EPRS1: variants seen among roughly 807,000 people sequenced by gnomAD.
The protein encoded by EPRS1 is glutamyl-prolyl-tRNA synthetase 1, also known as bifunctional glutamate/proline--tRNA ligase.
Under a neutral mutation model 188.3 loss-of-function variants are expected in EPRS1, and 107 were observed. The ratio of observed to expected loss-of-function variants is 0.57; its 90% CI spans 0.49 to 0.67. EPRS1 has a LOEUF of 0.67. EPRS1 is among the 30% of genes least tolerant of loss of function. The pLI, the probability that EPRS1 is intolerant of heterozygous loss-of-function variation, is 0.00. For synonymous variants in EPRS1, 596 were observed against 593.1 expected, an observed-to-expected ratio of 1.00 and a Z score of -0.07; for missense variants, 1,577 against 1,802.2, an observed-to-expected ratio of 0.88 and a Z score of 2.26.
intron 28 of EPRS1, among the ~76,000 whole-genome samples, chr1:219,978,062 T>A (rs921937430): frequency 3.3e-5 from 5 of 152,288 alleles, no homozygotes; most frequent in Non-Finnish European, 5.9e-5. Flanking sequence ...AAAGCAGAAT[T>A]TAGACTGGCT....
At chr1:219,973,509 G>C in intron 28 of EPRS1, 111 bp from the exon 29 acceptor site, 6 of 618,466 alleles carry the variant, frequency 9.7e-6, no homozygotes, top group African/African-American at 7.0e-5. Context: ...AAAAAACAAA[G>C]GCAAAGCCAA....
chr1:220,010,935 G>C lies in EPRS1; in HGVS notation c.1605+11C>G. ...CAGAGAGAAACACATTGGTGAAACT[G>C]TAAGAGTGACCTTTGGGTGTTTGGC... On this transcript the variant is annotated intron_variant, in intron 13 of 31. Transcript: ENST00000366923. 2 of 1,508,910 alleles carry C rather than the reference G, an allele frequency of 1.3e-6. No individual in the cohort carries two copies. Among genetic ancestry groups the C allele is most frequent in the East Asian group, 2.3e-5 (1 of 44,284 alleles). 93.5% of individuals were successfully genotyped at this position (1,508,910 alleles called of 1,614,324 possible). A position where few individuals can be genotyped will look rare whatever the true frequency, so the allele number is the denominator to read the frequency against.
chr1:220,034,008 T>A (rs1306134722), intron 3 of EPRS1, among the ~76,000 whole-genome samples: 1 of 152,030 alleles, frequency 6.6e-6, no homozygotes, highest in African/African-American at 2.4e-5. Context: ...CCAAACAGAT[T>A]CATTTACTTG....
Position 220,046,381 on chromosome 1 carries a change from G to C in EPRS1, c.8C>G (p.Thr3Arg). The C allele has an allele frequency of 2.5e-6, 4 of 1,614,110 alleles. No individual in the cohort carries two copies. Among genetic ancestry groups the C allele is most frequent in the Non-Finnish European group, 1.7e-6 (2 of 1,180,010 alleles). ...TCCTGAATTCACGGTCAGAGAGAGC[G>C]TCGCCATCTCCACCAGTCCGCTGGT... Reference protein sequence around the residue: MATLSLTVNSGDP... With the variant: MARLSLTVNSGDP... Residue 3 changes from threonine (T) to arginine (R), a missense_variant, in exon 1 of 32, where the codon ACG (threonine) becomes AGG (arginine). Transcript: ENST00000366923.
At chr1:220,040,369 G>A in intron 1 of EPRS1, 100 bp from the exon 2 acceptor site, 1 of 754,962 alleles carries the variant, frequency 1.3e-6, no homozygotes, top group East Asian at 2.6e-5. Flanking sequence ...CCAATATTAA[G>A]TCCTACAAGG....
intron 6 of EPRS1, among the ~76,000 whole-genome samples, chr1:220,028,418 CAGTT>C (rs1235779050): frequency 7.2e-5 from 11 of 151,740 alleles, no homozygotes; most frequent in African/African-American, 4.8e-5. Context: ...CTAAAATCAT[CAGTT>C]AAAGAGTGAC....
chr1:220,030,581 G>A, intron 5 of EPRS1, 101 bp from the exon 6 acceptor site: 2 of 780,738 alleles, frequency 2.6e-6, no homozygotes, highest in Non-Finnish European at 4.4e-6. Context: ...CACTGGTTAT[G>A]AAAAATATGA....
intron 10 of EPRS1, 115 bp downstream of exon 10, chr1:220,019,873 T>A (rs3820457): frequency 0.091 from 61,651 of 676,870 alleles, 5,119 homozygotes; most frequent in East Asian, 0.33. Flanking sequence ...AGGAATTCTA[T>A]AGGCCTACCC....
chr1:220,043,896 A>G (rs1223428329), intron 1 of EPRS1, among the ~76,000 whole-genome samples: 1 of 152,194 alleles, frequency 6.6e-6, no homozygotes, highest in Non-Finnish European at 1.5e-5. Flanking sequence ...TGATCTCAAC[A>G]CTATGGAGGG....
chr1:219,992,026 C>T (rs1434102406), intron 18 of EPRS1, among the ~76,000 whole-genome samples: 1 of 152,104 alleles, frequency 6.6e-6, no homozygotes, highest in East Asian at 1.9e-4. Context: ...CAAACAACAT[C>T]AAGAAAAAGA....
chr1:219,980,293 A>G, intron 25 of EPRS1, 53 bp from the exon 26 acceptor site: 1 of 1,417,072 alleles, frequency 7.1e-7, no homozygotes, highest in South Asian at 1.2e-5. Context: ...TTTATTCATT[A>G]AGATCTATAA....
In EPRS1 at chr1:220,022,496, C is replaced by A. The variant is rs1171869549; in HGVS notation, c.966G>T (p.Met322Ile). The A allele has an allele frequency of 6.2e-7, 1 of 1,613,316 alleles. No individual in the cohort carries two copies. Among genetic ancestry groups the A allele is most frequent in the Non-Finnish European group, 8.5e-7 (1 of 1,179,650 alleles). The change falls in exon 9 of 32, where the codon ATG (methionine) becomes ATT (isoleucine). Residue 322 changes from methionine (M) to isoleucine (I), a missense_variant. Physicochemically the swap from Met to Ile is conservative, Grantham distance 10 (BLOSUM62 1). Transcript: ENST00000366923. ...GGCTCCCTTTTTTCATTTCTTCCCACATTTGTAGATTCTTCTCAATAGCTA... is the reference window on the plus strand; with the variant it reads ...GGCTCCCTTTTTTCATTTCTTCCCAAATTTGTAGATTCTTCTCAATAGCTA... ...RKNPIEKNLQ[M>I]WEEMKKGSQF...
Position 220,006,238 on chromosome 1 carries a change from C to T in EPRS1, c.1818G>A (p.Lys606=). 6.2e-7 allele frequency: 1 copy of T among 1,601,604 alleles called. No individual in the cohort carries two copies. Among genetic ancestry groups the T allele is most frequent in the East Asian group, 2.3e-5 (1 of 44,406 alleles). Residue 606 remains lysine, a synonymous_variant, in exon 15 of 32, where the codon AAG becomes AAA. Coordinates refer to ENST00000366923, the MANE Select transcript of EPRS1 (RefSeq NM_004446.3). ...GTGTAGTCTCTGCAAGCCAAGTGAC[C>T]TTAGTGGTTTTCTTGTAGTCTTTGT... ...LENKDYKKTT[K]VTWLAETTHA...
At chr1:220,040,512 G>GACA (rs1226915656) in intron 1 of EPRS1, among the ~76,000 whole-genome samples, 1 of 152,222 alleles carries the variant, frequency 6.6e-6, no homozygotes, top group Non-Finnish European at 1.5e-5. Flanking sequence ...TTCAGTTAGA[G>GACA]ACACTGAAAT....
At chr1:220,025,628 T>C (rs891037737) in intron 6 of EPRS1, among the ~76,000 whole-genome samples, 1 of 152,142 alleles carries the variant, frequency 6.6e-6, no homozygotes, top group Non-Finnish European at 1.5e-5. Flanking sequence ...CCACTGTTTG[T>C]CTTTAATAAG....
rs1356888919 is a variant in EPRS1 at position 220,001,275 on chromosome 1, A to G, written c.2064-20T>C. On this transcript the variant is annotated intron_variant, in intron 16 of 31. Transcript: ENST00000366923. ...TATGGGCTAAAAAGAAAATAAAGGG[A>G]CAAAATAGTTTATTTGAACAAAATT... 2.8e-6 allele frequency: 4 copies of G among 1,437,504 alleles called. No individual in the cohort carries two copies. In the Admixed American group the frequency reaches 6.8e-5, roughly 24 times the overall value. 89.0% of individuals were successfully genotyped at this position (1,437,504 alleles called of 1,614,324 possible).
intron 18 of EPRS1, among the ~76,000 whole-genome samples, chr1:219,991,708 C>T (rs1661125662): frequency 6.6e-6 from 1 of 152,112 alleles, no homozygotes; most frequent in Middle Eastern, 3.2e-3. Flanking sequence ...CAATACAGCA[C>T]AGGGTAGAGC....
intron 11 of EPRS1, 117 bp from the exon 12 acceptor site, chr1:220,018,625 T>A: frequency 1.4e-6 from 1 of 716,030 alleles, no homozygotes; most frequent in South Asian, 1.7e-5. Context: ...ACTTTCAAGT[T>A]TACTTCTAGT....
chr1:219,997,559 A>T (rs1054556865), intron 17 of EPRS1, among the ~76,000 whole-genome samples: 1 of 152,290 alleles, frequency 6.6e-6, no homozygotes, highest in East Asian at 1.9e-4. Flanking sequence ...ATACTCACTG[A>T]AGCATTTTTA....
Sources: gnomAD v4.1 joint callset for allele counts (sites outside exome capture counted in the v4.1 genomes callset) on GRCh38, gnomAD v4.1.1 for gene constraint, MANE v1.5 for transcripts, NCBI Gene and HGNC (gene_info 2026-07-23, HGNC 2026-07-21) for gene names.